The following NDUFA5 variants were observed in gnomAD, a reference collection of about 807,000 sequenced individuals.
NDUFA5 encodes the protein NADH dehydrogenase [ubiquinone] 1 alpha subcomplex subunit 5.
NDUFA5 carries 11 observed loss-of-function variants against 19.8 expected under a neutral mutation model. That is an observed-to-expected ratio of 0.56 (90% confidence interval 0.35 to 0.92). The LOEUF is 0.92. Among genes scored for constraint, NDUFA5 ranks in the 40% least tolerant of loss-of-function variants. NDUFA5 has a pLI of 0.01. For missense variants in NDUFA5, 109 were observed against 134.2 expected (o/e 0.81, Z 0.93); for synonymous variants, 47 against 46.8 (o/e 1.00, Z -0.01).
At chr7:123,545,515 G>T in intron 4 of NDUFA5, 96 bp downstream of exon 4, 2 of 928,190 alleles carry the variant, frequency 2.2e-6, no homozygotes, top group South Asian at 1.4e-5. Flanking sequence ...TTGACGAGTT[G>T]ATATAAACAA....
At chr7:123,582,148 TCC>T in the NDUFA5 span, among the ~76,000 whole-genome samples, 1 of 152,010 alleles carries the variant, frequency 6.6e-6, no homozygotes, top group South Asian at 2.1e-4. Flanking sequence ...CCTAAAATGC[TCC>T]TGTGGCTTCT....
the NDUFA5 span, among the ~76,000 whole-genome samples, chr7:123,593,457 G>A: frequency 6.6e-6 from 1 of 152,284 alleles, no homozygotes; most frequent in Non-Finnish European, 1.5e-5. Context: ...GCTCTTGTAA[G>A]GCAGGCCTGG....
the NDUFA5 span, among the ~76,000 whole-genome samples, chr7:123,598,031 A>G: frequency 1.3e-5 from 2 of 149,574 alleles, no homozygotes; most frequent in Non-Finnish European, 3.0e-5. Flanking sequence ...TCTCTATACA[A>G]TGGTAAGCTT....
chr7:123,590,635 G>C, the NDUFA5 span, among the ~76,000 whole-genome samples: 1 of 152,120 alleles, frequency 6.6e-6, no homozygotes. Context: ...GGTTATAGAT[G>C]TGTGGTGTTA....
At chr7:123,545,975 C>T (rs1798118488) in intron 3 of NDUFA5, 1 of 256,944 alleles carries the variant, frequency 3.9e-6, no homozygotes, top group African/African-American at 2.3e-5. Flanking sequence ...CTTAATATTT[C>T]CTGTATTTCC....
At chr7:123,571,998 G>A in the NDUFA5 span, among the ~76,000 whole-genome samples, 1 of 151,954 alleles carries the variant, frequency 6.6e-6, no homozygotes, top group Admixed American at 6.6e-5. Context: ...ATCTTGCCCA[G>A]GCTAGTCTCA....
chr7:123,549,425 T>A (rs775670608), intron 3 of NDUFA5, among the ~76,000 whole-genome samples: 1 of 152,194 alleles, frequency 6.6e-6, no homozygotes, highest in South Asian at 2.1e-4. Context: ...CAGTTTTTTT[T>A]ATTTTTAAGA....
At chr7:123,584,625 C>T in the NDUFA5 span, among the ~76,000 whole-genome samples, 1 of 151,792 alleles carries the variant, frequency 6.6e-6, no homozygotes, top group African/African-American at 2.4e-5. Flanking sequence ...AGAAAATCAA[C>T]CTAAAATCAT....
At chr7:123,575,060 C>CT in the NDUFA5 span, among the ~76,000 whole-genome samples, 30,966 of 133,554 alleles carry the variant, frequency 0.23, 3,626 homozygotes, top group African/African-American at 0.29. Context: ...GGTATGTTTC[C>CT]TTTTTTTTTT....
At chr7:123,588,073 C>A in the NDUFA5 span, among the ~76,000 whole-genome samples, 2 of 151,754 alleles carry the variant, frequency 1.3e-5, no homozygotes, top group African/African-American at 2.4e-5. Flanking sequence ...AGTATTCCCT[C>A]CTCTTCAACT....
chr7:123,563,271 T>C, the NDUFA5 span, among the ~76,000 whole-genome samples: 2 of 152,316 alleles, frequency 1.3e-5, no homozygotes, highest in African/African-American at 4.8e-5. Context: ...CTAACTTTTG[T>C]TTTAAAGTGA....
chr7:123,577,331 C>A, the NDUFA5 span, among the ~76,000 whole-genome samples: 1 of 152,132 alleles, frequency 6.6e-6, no homozygotes, highest in Admixed American at 6.6e-5. Flanking sequence ...CTGAGAAGAA[C>A]TGTCACTTGT....
rs1797901485 is a variant in NDUFA5 at position 123,540,812 on chromosome 7, C to T, written c.*1307G>A. On this transcript the variant is annotated 3_prime_UTR_variant, in exon 5 of 5. Transcript: ENST00000355749. The stretch of plus-strand genomic sequence containing the variant: ...TTTATTTAGTATTCATGTTACAGCT[C>T]TATGAGGGGAGAAATATACTGGAAA... 6.6e-6 allele frequency: 1 copy of T among 151,470 alleles called. No individual in the cohort carries two copies. 9.4% of individuals were successfully genotyped at this position (151,470 alleles called of 1,614,324 possible).
At chr7:123,596,272 A>G in the NDUFA5 span, 4 of 152,316 alleles carry the variant, frequency 2.6e-5, no homozygotes, top group East Asian at 1.9e-4. Context: ...TGAATCCACA[A>G]GAGGCAAGAG....
At chr7:123,598,532 C>CT in the NDUFA5 span, among the ~76,000 whole-genome samples, 1 of 152,152 alleles carries the variant, frequency 6.6e-6, no homozygotes, top group Non-Finnish European at 1.5e-5. Context: ...GATCAACCAG[C>CT]TTTTAAAAAA....
chr7:123,581,105 T>C, the NDUFA5 span, among the ~76,000 whole-genome samples: 23 of 151,968 alleles, frequency 1.5e-4, no homozygotes, highest in East Asian at 4.1e-3. Flanking sequence ...ATAATTCAGG[T>C]GGTATCTGTG....
At chr7:123,563,883 G>A in the NDUFA5 span, among the ~76,000 whole-genome samples, 2 of 152,146 alleles carry the variant, frequency 1.3e-5, no homozygotes, top group East Asian at 1.9e-4. Context: ...CCACATCATG[G>A]GCAGTGTGAA....
At chr7:123,587,463 T>A in the NDUFA5 span, among the ~76,000 whole-genome samples, 2 of 151,794 alleles carry the variant, frequency 1.3e-5, no homozygotes, top group South Asian at 2.1e-4. Context: ...TGAGGTTTTT[T>A]TTTTATACAT....
chr7:123,570,799 A>T, the NDUFA5 span, among the ~76,000 whole-genome samples: 2 of 152,092 alleles, frequency 1.3e-5, no homozygotes, highest in Non-Finnish European at 2.9e-5. Context: ...TCCATTTCCC[A>T]TTACCACTGC....
Sources: gnomAD v4.1 joint callset for allele counts (sites outside exome capture counted in the v4.1 genomes callset) on GRCh38, gnomAD v4.1.1 for gene constraint, MANE v1.5 for transcripts, NCBI Gene and HGNC (gene_info 2026-07-23, HGNC 2026-07-21) for gene names.